CDH23: variants seen among roughly 807,000 people sequenced by gnomAD.
The protein encoded by CDH23 is cadherin related 23.
A neutral mutation model predicts 317.1 loss-of-function variants in CDH23; 189 were observed. The ratio of observed to expected loss-of-function variants is 0.60; its 90% CI spans 0.53 to 0.67. The LOEUF (loss-of-function observed/expected upper bound fraction) is 0.67. CDH23 is among the 30% of genes least tolerant of loss of function. The pLI, the probability that CDH23 is intolerant of heterozygous loss-of-function variation, is 0.00. For synonymous variants in CDH23, 1,839 were observed against 1,876.8 expected (o/e 0.98, Z 0.52); for missense variants, 4,401 against 4,592.4 (o/e 0.96, Z 1.20).
chr10:71,455,798 T>A (rs767587554), intron 3 of CDH23, among the ~76,000 whole-genome samples: 1 of 152,290 alleles, frequency 6.6e-6, no homozygotes, highest in African/African-American at 2.4e-5. Flanking sequence ...AGAGGACCCA[T>A]GAAAAACCCC....
intron 3 of CDH23, among the ~76,000 whole-genome samples, chr10:71,468,697 G>A (rs1307053836): frequency 2.0e-5 from 3 of 152,194 alleles, no homozygotes; most frequent in Admixed American, 6.5e-5. Flanking sequence ...GGGAACTCAC[G>A]ATTCCTATAC....
Position 71,791,148 on chromosome 10 carries a change from G to A in CDH23, c.6066G>A (p.Arg2022=). The A allele has an allele frequency of 1.2e-6, 2 of 1,610,118 alleles. No homozygotes were observed. Among genetic ancestry groups the A allele is most frequent in the South Asian group, 1.1e-5 (1 of 90,116 alleles). ...INSSTGVVTV[R]SGVIIDREAF... ...GGGTGCCAGGTGTGGTGACCGTGAGGTCAGGTGTCATCATTGACCGGGAGG... is the reference window on the plus strand; with the variant it reads ...GGGTGCCAGGTGTGGTGACCGTGAGATCAGGTGTCATCATTGACCGGGAGG... The change falls in exon 47 of 70, where the codon AGG becomes AGA. Residue 2022 remains arginine, a synonymous_variant. Transcript: ENST00000224721.
intron 38 of CDH23, among the ~76,000 whole-genome samples, chr10:71,764,711 C>T (rs760006817): frequency 7.2e-5 from 11 of 152,186 alleles, no homozygotes; most frequent in Non-Finnish European, 1.0e-4. Context: ...ACTCTCTCAC[C>T]GTGGTTTCTT....
At chr10:71,578,118 C>G (rs1435491668) in intron 9 of CDH23, 126 bp downstream of exon 9, 30 of 906,408 alleles carry the variant, frequency 3.3e-5, no homozygotes, top group Admixed American at 8.1e-5. Context: ...GGTAGGAGAC[C>G]TGACTACAGG....
chr10:71,491,789 G>C (rs1852675203), intron 3 of CDH23, among the ~76,000 whole-genome samples: 1 of 152,158 alleles, frequency 6.6e-6, no homozygotes, highest in East Asian at 1.9e-4. Flanking sequence ...TCCTGTTTGT[G>C]GGGTGTCCAG....
At position 71,524,239 on chromosome 10, in the gene CDH23, C is replaced by G. The variant is rs148960832; in HGVS notation, c.429+13027C>G. On this transcript the variant is annotated intron_variant, in intron 6 of 69. Coordinates refer to ENST00000224721, the MANE Select transcript of CDH23 (RefSeq NM_022124.6). The stretch of plus-strand genomic sequence containing the variant: ...TGTGGCTTTCCACCGTGGACGGACC[C>G]TCAGGGCCTGGCGCACGGTGGGGAC... Among the ~76,000 whole-genome samples the G allele has an allele frequency of 7.0e-3, 1,069 of 152,332 alleles. 16 individuals carry two copies. The highest frequency in any genetic ancestry group is 0.025 in the African/African-American group (1,028 of 41,566).
chr10:71,583,650 T>A lies in CDH23; in HGVS notation c.832+5658T>A, dbSNP rs146888728. Among the ~76,000 whole-genome samples the A allele has an allele frequency of 8.1e-3, 1,228 of 152,226 alleles. 18 individuals carry two copies. Among genetic ancestry groups the A allele is most frequent in the African/African-American group, 0.028 (1,167 of 41,546 alleles). On this transcript the variant is annotated intron_variant, in intron 9 of 69. Transcript: ENST00000224721. ...TTCATGCTGAAAAGGCTTAATCTCT[T>A]CTTGCCGCCCACATCCGTTTCCCCA...
chr10:71,406,240 AGTG>A, intron 1 of CDH23, among the ~76,000 whole-genome samples: 1 of 152,190 alleles, frequency 6.6e-6, no homozygotes, highest in Middle Eastern at 3.4e-3. Flanking sequence ...CCAAGCAGGG[AGTG>A]ACACAGCCTA....
rs1190598852 is a variant in CDH23, at chr10:71,511,366, G to A, written c.429+154G>A. Reference sequence around the variant, plus strand: ...CAACTCTGAGCAGGTTGGCGAACATGCTGGTACCCTGGGAATCGGGGCCCA... The same window carrying A: ...CAACTCTGAGCAGGTTGGCGAACATACTGGTACCCTGGGAATCGGGGCCCA... On this transcript the variant is annotated intron_variant, in intron 6 of 69. Coordinates refer to ENST00000224721, the MANE Select transcript of CDH23 (RefSeq NM_022124.6). 3.3e-5 allele frequency: 24 copies of A among 727,110 alleles called. No individual in the cohort carries two copies. The East Asian group carries it at 6.1e-4, about 19-fold the overall frequency. The allele number at this position is 727,110 out of a possible 1,614,324, so 45.0% of individuals were successfully genotyped here.
Position 71,612,371 on chromosome 10 carries a change from G to A in CDH23, c.833-3133G>A, listed in dbSNP as rs577024407. On this transcript the variant is annotated intron_variant, in intron 9 of 69. Transcript: ENST00000224721. ...GGTGTCTTATGTGCTGGGGACAGATGCCGGGTTTGGAGTGGGCAGTGTGTA... is the reference window on the plus strand; with the variant it reads ...GGTGTCTTATGTGCTGGGGACAGATACCGGGTTTGGAGTGGGCAGTGTGTA... 2.5e-4 allele frequency among the ~76,000 whole-genome samples: 38 copies of A among 152,178 alleles called. No homozygotes were observed. In the South Asian group the frequency reaches 7.9e-3, roughly 32 times the overall value.
At chr10:71,409,203 C>T (rs1282448453) in intron 1 of CDH23, among the ~76,000 whole-genome samples, 1 of 152,134 alleles carries the variant, frequency 6.6e-6, no homozygotes, top group South Asian at 2.1e-4. Flanking sequence ...ATGTAAGGGG[C>T]AGGGGATTCC....
At chr10:71,713,304 A>G in intron 28 of CDH23, 1 of 779,014 alleles carries the variant, frequency 1.3e-6, no homozygotes, top group Non-Finnish European at 2.4e-6. Context: ...AGAGGGAGAG[A>G]AGGGAGGACC....
At chr10:71,590,770 A>G (rs1459598600) in intron 9 of CDH23, among the ~76,000 whole-genome samples, 3 of 150,298 alleles carry the variant, frequency 2.0e-5, no homozygotes, top group African/African-American at 7.3e-5. Flanking sequence ...AGAGGCTGAG[A>G]TGGGAGAATC....
chr10:71,571,577 G>A (rs1405672703), intron 8 of CDH23, among the ~76,000 whole-genome samples: 1 of 152,246 alleles, frequency 6.6e-6, no homozygotes, highest in Non-Finnish European at 1.5e-5. Context: ...TGTGGATGGA[G>A]CAGCTTTGCT....
intron 11 of CDH23, among the ~76,000 whole-genome samples, chr10:71,637,989 G>A (rs776315844): frequency 6.6e-6 from 1 of 152,066 alleles, no homozygotes; most frequent in African/African-American, 2.4e-5. Flanking sequence ...GTTGGTTGAC[G>A]GTCCCCTAGC....
At chr10:71,701,456 G>C (rs770915093) in intron 22 of CDH23, among the ~76,000 whole-genome samples, 1 of 152,156 alleles carries the variant, frequency 6.6e-6, no homozygotes, top group Non-Finnish European at 1.5e-5. Context: ...CCTTCATGAC[G>C]TGGGGGTTAT....
chr10:71,643,794 T>G, intron 11 of CDH23, 67 bp from the exon 12 acceptor site: 1 of 762,190 alleles, frequency 1.3e-6, no homozygotes. Context: ...TCCTTCCTCC[T>G]CTCCATACCT....
At chr10:71,772,093 TCTC>T (rs1375836015) in intron 38 of CDH23, among the ~76,000 whole-genome samples, 2 of 152,020 alleles carry the variant, frequency 1.3e-5, no homozygotes, top group Non-Finnish European at 2.9e-5. Context: ...CACCTCCCAT[TCTC>T]CTCCTCCCTC....
In CDH23 at chr10:71,646,472, A is replaced by T; in HGVS notation, c.1304A>T (p.Glu435Val). 1 of 1,613,716 alleles carries T rather than the reference A, an allele frequency of 6.2e-7. No homozygotes were observed. The highest frequency in any genetic ancestry group is 8.5e-7 in the Non-Finnish European group (1 of 1,179,786). Reference sequence around the variant, plus strand: ...CTGCACCCCCAGCTCTTTGCCAATGAGAGTGTGCCTGACCATGTGGGCTAT... The same window carrying T: ...CTGCACCCCCAGCTCTTTGCCAATGTGAGTGTGCCTGACCATGTGGGCTAT... ...DRYDFDLFAN[E>V]SVPDHVGYAK... Residue 435 changes from glutamate to valine, a missense_variant, in exon 14 of 70, where the codon GAG (glutamate) becomes GTG (valine). By Grantham distance (121) the Glu-to-Val change is moderately radical. Around this residue, in one of 3 missense-constraint regions of CDH23, gnomAD observed 3,068 missense variants for 3,203.3 expected, o/e 0.96. Coordinates refer to ENST00000224721, the MANE Select transcript of CDH23 (RefSeq NM_022124.6).
Sources: allele counts gnomAD v4.1 joint callset (sites outside exome capture counted in the v4.1 genomes callset), GRCh38; gene constraint gnomAD v4.1.1; regional missense constraint gnomAD v4.1.1; transcripts MANE v1.5; gene names NCBI Gene and HGNC (gene_info 2026-07-23, HGNC 2026-07-21).